Variants in CNTN4 observed in about 807,000 individuals in gnomAD.
CNTN4 encodes contactin 4.
CNTN4 carries 77 observed loss-of-function variants against 122.5 expected under a neutral mutation model. That is an observed-to-expected ratio of 0.63 (90% CI 0.52 to 0.76). The LOEUF (loss-of-function observed/expected upper bound fraction) is 0.76. Ranked by LOEUF, CNTN4 falls within the 30% of genes least tolerant of loss-of-function variation. CNTN4 has a pLI of 0.00. For synonymous variants in CNTN4, 512 were observed against 447.0 expected (o/e 1.15, Z -1.83); for missense variants, 1,256 against 1,259.1 (o/e 1.00, Z 0.04).
chr3:2,915,254 C>T (rs969479653), intron 12 of CNTN4, among the ~76,000 whole-genome samples: 1 of 152,044 alleles, frequency 6.6e-6, no homozygotes, highest in African/African-American at 2.4e-5. Flanking sequence ...TTAGTAGAGA[C>T]GGGGATTCAC....
chr3:2,269,442 G>A lies in CNTN4; in HGVS notation c.-144-69736G>A, dbSNP rs1473869189. Among the ~76,000 whole-genome samples, 9 of 152,106 alleles carry A rather than the reference G, an allele frequency of 5.9e-5. No individual in the cohort carries two copies. In the South Asian group the frequency reaches 1.2e-3, roughly 21 times the overall value. ...TGTCCCAGAGCCTAAGACATGCTGGGTGCTGGGTACTGATTAGTTTACCAG... is the reference window on the plus strand; with the variant it reads ...TGTCCCAGAGCCTAAGACATGCTGGATGCTGGGTACTGATTAGTTTACCAG... On this transcript the variant is annotated intron_variant, in intron 2 of 24. Coordinates refer to ENST00000418658, the MANE Select transcript of CNTN4 (RefSeq NM_175607.3).
intron 2 of CNTN4, among the ~76,000 whole-genome samples, chr3:2,217,419 G>T (rs2038891154): frequency 6.6e-6 from 1 of 152,108 alleles, no homozygotes; most frequent in South Asian, 2.1e-4. Context: ...AAGATTTATT[G>T]CTGTCACCTC....
At chr3:2,970,965 T>C (rs1692855500) in intron 13 of CNTN4, among the ~76,000 whole-genome samples, 1 of 152,080 alleles carries the variant, frequency 6.6e-6, no homozygotes, top group African/African-American at 2.4e-5. Context: ...TTTTGCATTT[T>C]TCATAAAGAC....
intron 12 of CNTN4, among the ~76,000 whole-genome samples, chr3:2,918,278 T>C (rs2094391074): frequency 1.3e-5 from 2 of 152,184 alleles, no homozygotes; most frequent in African/African-American, 4.8e-5. Context: ...ATAACTTGTC[T>C]CACAAAGCCT....
intron 7 of CNTN4, among the ~76,000 whole-genome samples, chr3:2,849,048 G>C (rs2150615622): frequency 6.6e-6 from 1 of 152,298 alleles, no homozygotes; most frequent in African/African-American, 2.4e-5. Flanking sequence ...TTGTAAAGTA[G>C]GGTTGCACCC....
chr3:2,672,755 C>G (rs1282141335), intron 4 of CNTN4, among the ~76,000 whole-genome samples: 4 of 152,154 alleles, frequency 2.6e-5, no homozygotes, highest in African/African-American at 9.7e-5. Flanking sequence ...TTTAAATATG[C>G]AACTTTCCAT....
At chr3:2,932,346 C>G (rs1364531169) in intron 13 of CNTN4, among the ~76,000 whole-genome samples, 1 of 152,030 alleles carries the variant, frequency 6.6e-6, no homozygotes, top group Admixed American at 6.6e-5. Flanking sequence ...CCACTGCACT[C>G]CAGCCTGAGT....
chr3:2,873,096 CAA>C (rs1366054299), intron 8 of CNTN4, among the ~76,000 whole-genome samples: 5 of 152,152 alleles, frequency 3.3e-5, no homozygotes, highest in African/African-American at 1.2e-4. Context: ...GGACTAAAGT[CAA>C]GAGGGCAAGT....
chr3:2,400,202 C>G (rs114712055), intron 3 of CNTN4, among the ~76,000 whole-genome samples: 6 of 151,492 alleles, frequency 4.0e-5, no homozygotes, highest in Non-Finnish European at 2.9e-5. Flanking sequence ...AACCCTACCA[C>G]GAAATAATAT....
chr3:2,574,503 T>C (rs2079571082), intron 4 of CNTN4, among the ~76,000 whole-genome samples: 1 of 152,154 alleles, frequency 6.6e-6, no homozygotes, highest in African/African-American at 2.4e-5. Flanking sequence ...TTATTAGTAC[T>C]TTATGGTACA....
At chr3:2,682,493 C>G (rs565035120) in intron 4 of CNTN4, among the ~76,000 whole-genome samples, 5 of 152,196 alleles carry the variant, frequency 3.3e-5, no homozygotes, top group Non-Finnish European at 7.4e-5. Flanking sequence ...TGGATTCTTT[C>G]TAAGGTAATC....
chr3:2,261,477 T>G (rs1419650466), intron 2 of CNTN4, among the ~76,000 whole-genome samples: 3 of 152,134 alleles, frequency 2.0e-5, no homozygotes, highest in African/African-American at 7.2e-5. Flanking sequence ...TGTGATAGGC[T>G]TTGGTGATGG....
intron 2 of CNTN4, among the ~76,000 whole-genome samples, chr3:2,216,396 G>C (rs1419953998): frequency 6.6e-6 from 1 of 152,108 alleles, no homozygotes; most frequent in African/African-American, 2.4e-5. Flanking sequence ...GAGGGTGGAG[G>C]GTGGGAGGAG....
chr3:2,950,324 A>G (rs1426764362), intron 13 of CNTN4, among the ~76,000 whole-genome samples: 1 of 152,208 alleles, frequency 6.6e-6, no homozygotes, highest in Non-Finnish European at 1.5e-5. Context: ...TCCTCCCAGA[A>G]TGAGTCATTG....
At chr3:3,027,630 G>A (rs755677289) in intron 15 of CNTN4, among the ~76,000 whole-genome samples, 7 of 152,094 alleles carry the variant, frequency 4.6e-5, no homozygotes, top group Non-Finnish European at 8.8e-5. Context: ...AGTGTAAATC[G>A]AGAACATTCT....
At chr3:2,688,847 C>T (rs760456257) in intron 4 of CNTN4, among the ~76,000 whole-genome samples, 1 of 152,134 alleles carries the variant, frequency 6.6e-6, no homozygotes, top group African/African-American at 2.4e-5. Context: ...TTTCTGTGGC[C>T]CAGTCACTAG....
At chr3:2,544,891 G>C (rs998872359) in intron 3 of CNTN4, among the ~76,000 whole-genome samples, 2 of 151,656 alleles carry the variant, frequency 1.3e-5, no homozygotes, top group East Asian at 1.9e-4. Context: ...TCTGATTTTG[G>C]TTATTTCTTG....
chr3:2,353,581 G>A (rs1018673001), intron 3 of CNTN4, among the ~76,000 whole-genome samples: 7 of 152,004 alleles, frequency 4.6e-5, no homozygotes, highest in South Asian at 2.1e-4. Context: ...CGAACCCACC[G>A]GGAGGAATGA....
intron 14 of CNTN4, among the ~76,000 whole-genome samples, chr3:3,019,990 G>GA (rs1553727660): frequency 1.3e-5 from 2 of 151,812 alleles, no homozygotes; most frequent in Non-Finnish European, 1.5e-5. Flanking sequence ...TTAAAATCAA[G>GA]AAAAAAGTAC....
Sources: gnomAD v4.1 joint callset for allele counts (sites outside exome capture counted in the v4.1 genomes callset) on GRCh38, gnomAD v4.1.1 for gene constraint, MANE v1.5 for transcripts, NCBI Gene and HGNC (gene_info 2026-07-23, HGNC 2026-07-21) for gene names.